TACC2: variants seen among roughly 807,000 people sequenced by gnomAD.
TACC2 encodes the protein transforming acidic coiled-coil containing protein 2, also known as transforming acidic coiled-coil-containing protein 2.
Under a neutral mutation model 227.3 loss-of-function variants are expected in TACC2, and 137 were observed. That is an observed-to-expected ratio of 0.60 (90% confidence interval 0.52 to 0.69). The LOEUF is 0.69. Ranked by LOEUF, TACC2 falls within the 30% of genes least tolerant of loss-of-function variation. The pLI is 0.00. For missense variants in TACC2, 3,470 were observed against 3,694.4 expected, an observed-to-expected ratio of 0.94 and a Z score of 1.57; for synonymous variants, 1,523 against 1,487.5, an observed-to-expected ratio of 1.02 and a Z score of -0.55.
intron 7 of TACC2, among the ~76,000 whole-genome samples, chr10:122,165,297 C>T (rs2093090034): frequency 6.6e-6 from 1 of 152,032 alleles, no homozygotes; most frequent in African/African-American, 2.4e-5. Flanking sequence ...TTTTGCAAGT[C>T]CCTATAGTGG....
At chr10:121,991,641 G>A (rs1049373503) in intron 1 of TACC2, among the ~76,000 whole-genome samples, 5 of 152,212 alleles carry the variant, frequency 3.3e-5, no homozygotes, top group Admixed American at 6.5e-5. Context: ...CATCTCAGCC[G>A]GTATACAGAG....
At chr10:122,021,330 T>A (rs1324836122) in intron 1 of TACC2, among the ~76,000 whole-genome samples, 1 of 152,150 alleles carries the variant, frequency 6.6e-6, no homozygotes. Context: ...CTGCCTTACA[T>A]GATCTCGTCT....
At chr10:122,071,040 T>G (rs1327095722) in intron 3 of TACC2, among the ~76,000 whole-genome samples, 2 of 152,152 alleles carry the variant, frequency 1.3e-5, no homozygotes, top group African/African-American at 4.8e-5. Flanking sequence ...CAAGCAAAAC[T>G]CTCATTTGCA....
At chr10:122,241,935 A>T in intron 18 of TACC2, 23 bp from the exon 19 acceptor site, 2 of 1,612,538 alleles carry the variant, frequency 1.2e-6, no homozygotes, top group Non-Finnish European at 1.7e-6. Context: ...CATGACTCCA[A>T]CGTGTCTTTA....
intron 2 of TACC2, among the ~76,000 whole-genome samples, chr10:122,031,240 GAGATTCAAA>G (rs1238711226): frequency 1.3e-5 from 2 of 152,014 alleles, no homozygotes; most frequent in Admixed American, 6.6e-5. Context: ...GCTGAGTCCA[GAGATTCAAA>G]AGATGGCTCT....
At chr10:121,998,325 A>G (rs1953826416) in intron 1 of TACC2, among the ~76,000 whole-genome samples, 1 of 151,710 alleles carries the variant, frequency 6.6e-6, no homozygotes. Flanking sequence ...AAAAAAAAAA[A>G]AAAAAAAGGA....
intron 5 of TACC2, among the ~76,000 whole-genome samples, chr10:122,089,401 G>A (rs2080469908): frequency 6.6e-6 from 1 of 152,196 alleles, no homozygotes; most frequent in Non-Finnish European, 1.5e-5. Context: ...ACCAACAGCG[G>A]TCACACTCCA....
chr10:121,995,833 A>C (rs1953401250), intron 1 of TACC2, among the ~76,000 whole-genome samples: 1 of 151,718 alleles, frequency 6.6e-6, no homozygotes, highest in African/African-American at 2.4e-5. Flanking sequence ...GGCTCACTGC[A>C]ACTTCCGCCC....
intron 2 of TACC2, among the ~76,000 whole-genome samples, chr10:122,030,891 C>T (rs542389353): frequency 2.6e-5 from 4 of 152,032 alleles, no homozygotes; most frequent in South Asian, 2.1e-4. Flanking sequence ...AGAGCCACCG[C>T]GAGTCCCTCC....
intron 3 of TACC2, among the ~76,000 whole-genome samples, chr10:122,054,892 G>A (rs1286685143): frequency 2.0e-5 from 3 of 152,150 alleles, no homozygotes; most frequent in Admixed American, 6.5e-5. Context: ...AAAGTTCTCC[G>A]GCTGGCTCCC....
At chr10:122,069,715 G>A (rs970894897) in intron 3 of TACC2, among the ~76,000 whole-genome samples, 5 of 152,242 alleles carry the variant, frequency 3.3e-5, no homozygotes, top group African/African-American at 1.2e-4. Flanking sequence ...TGCTTTCTTG[G>A]GTTTTAAATA....
intron 7 of TACC2, among the ~76,000 whole-genome samples, chr10:122,160,947 G>C (rs1019164006): frequency 6.6e-6 from 1 of 152,072 alleles, no homozygotes; most frequent in Non-Finnish European, 1.5e-5. Flanking sequence ...TTTCTCTCCT[G>C]GTTCTTTTTT....
chr10:122,249,194 C>T (rs982244224), intron 21 of TACC2, 38 bp downstream of exon 21: 1 of 1,498,288 alleles, frequency 6.7e-7, no homozygotes, highest in African/African-American at 1.4e-5. Flanking sequence ...CCAGGGGCCT[C>T]CCAGCAGCCC....
intron 7 of TACC2, among the ~76,000 whole-genome samples, chr10:122,186,350 G>A (rs1593077447): frequency 6.6e-6 from 1 of 152,182 alleles, no homozygotes; most frequent in Admixed American, 6.5e-5. Flanking sequence ...GAGACCAGCA[G>A]GGTGTAGTGG....
At chr10:122,064,189 G>A (rs1341516499) in intron 3 of TACC2, among the ~76,000 whole-genome samples, 2 of 151,926 alleles carry the variant, frequency 1.3e-5, no homozygotes, top group African/African-American at 2.4e-5. Flanking sequence ...GTGTGTGTGT[G>A]TATATAATTT....
At chr10:122,000,948 G>T (rs892826522) in intron 1 of TACC2, among the ~76,000 whole-genome samples, 3 of 152,068 alleles carry the variant, frequency 2.0e-5, no homozygotes, top group African/African-American at 7.2e-5. Context: ...TCAGCCTCCC[G>T]AGTAGCTGGG....
At chr10:122,062,022 C>A (rs1209831389) in intron 3 of TACC2, among the ~76,000 whole-genome samples, 1 of 131,758 alleles carries the variant, frequency 7.6e-6, no homozygotes, top group South Asian at 2.5e-4. Flanking sequence ...CATGTCAGAG[C>A]GGCTTTTTTT....
At chr10:122,020,269 A>C (rs1565084648) in intron 1 of TACC2, among the ~76,000 whole-genome samples, 2 of 151,924 alleles carry the variant, frequency 1.3e-5, no homozygotes, top group African/African-American at 4.8e-5. Context: ...GGAAGTGATT[A>C]ATTTTAAATG....
rs750417298 is a variant in TACC2 at position 122,230,358 on chromosome 10, T to TA, written c.8046dup (p.Glu2683ArgfsTer51). 6 of 1,613,930 alleles carry TA rather than the reference T, an allele frequency of 3.7e-6. No individual in the cohort carries two copies. Among genetic ancestry groups the TA allele is most frequent in the Admixed American group, 1.7e-5 (1 of 60,002 alleles). On this transcript the variant is annotated frameshift_variant, in exon 16 of 23. Coordinates refer to ENST00000369005, the MANE Select transcript of TACC2 (RefSeq NM_206862.4). LOFTEE classifies it high-confidence loss of function. ...CACACTCCCTGTGGGCAGGAGGAGT[T>TA]AGAGTTTGCCATCATGCGGATAGAA...
Sources: gnomAD v4.1 joint callset for allele counts (sites outside exome capture counted in the v4.1 genomes callset) on GRCh38, gnomAD v4.1.1 for gene constraint, MANE v1.5 for transcripts, NCBI Gene and HGNC (gene_info 2026-07-23, HGNC 2026-07-21) for gene names.